Variants in RABGAP1L observed in about 807,000 individuals in gnomAD.
The protein encoded by RABGAP1L is RAB GTPase activating protein 1 like, also known as rab GTPase-activating protein 1-like.
Under a neutral mutation model 137.7 loss-of-function variants are expected in RABGAP1L, and 63 were observed. The ratio of observed to expected loss-of-function variants is 0.46; its 90% CI spans 0.37 to 0.56. RABGAP1L has a LOEUF of 0.56. RABGAP1L is among the 20% of genes least tolerant of loss of function. The pLI, the probability that RABGAP1L is intolerant of heterozygous loss-of-function variation, is 0.00. For missense variants in RABGAP1L, 1,095 were observed against 1,244.0 expected, an observed-to-expected ratio of 0.88 and a Z score of 1.80; for synonymous variants, 431 against 433.7, an observed-to-expected ratio of 0.99 and a Z score of 0.08.
At chr1:174,336,660 T>C (rs1681495448) in intron 11 of RABGAP1L, among the ~76,000 whole-genome samples, 1 of 152,196 alleles carries the variant, frequency 6.6e-6, no homozygotes, top group African/African-American at 2.4e-5. Flanking sequence ...ATACCACTGC[T>C]CCTGGTTACA....
chr1:174,550,981 TACATATATATATATAC>T (rs1432751619), intron 13 of RABGAP1L, among the ~76,000 whole-genome samples: 5 of 89,462 alleles, frequency 5.6e-5, no homozygotes, highest in South Asian at 3.4e-4. Flanking sequence ...CATGTATATA[TACATATATATATATAC>T]ACATATATAT....
intron 19 of RABGAP1L, among the ~76,000 whole-genome samples, chr1:174,869,715 C>T (rs756469717): frequency 9.9e-5 from 15 of 152,116 alleles, no homozygotes; most frequent in South Asian, 2.1e-4. Context: ...CCAAATGTGA[C>T]GATATTAAGA....
chr1:174,395,625 T>G (rs1216653082), intron 13 of RABGAP1L, among the ~76,000 whole-genome samples: 1 of 152,166 alleles, frequency 6.6e-6, no homozygotes, highest in African/African-American at 2.4e-5. Context: ...CTTATACAAG[T>G]AGTTGCAGAG....
At chr1:174,175,360 T>G (rs565881730) in intron 1 of RABGAP1L, among the ~76,000 whole-genome samples, 14 of 152,182 alleles carry the variant, frequency 9.2e-5, no homozygotes, top group Non-Finnish European at 1.8e-4. Flanking sequence ...AAGCCTTTCT[T>G]GAGACTGTGG....
chr1:174,292,362 C>CTTTTTTTTTTTTT (rs1676715946), intron 10 of RABGAP1L, among the ~76,000 whole-genome samples: 1 of 37,428 alleles, frequency 2.7e-5, no homozygotes, highest in African/African-American at 1.2e-4. Context: ...TTTTTTACTG[C>CTTTTTTTTTTTTT]TTTTTTCCTA....
At chr1:174,858,561 G>A (rs1031981927) in intron 19 of RABGAP1L, among the ~76,000 whole-genome samples, 14 of 152,224 alleles carry the variant, frequency 9.2e-5, no homozygotes, top group East Asian at 3.9e-4. Context: ...AAACTCTTCC[G>A]TATGTGACTG....
intron 18 of RABGAP1L, among the ~76,000 whole-genome samples, chr1:174,784,817 A>T (rs1015923974): frequency 6.6e-6 from 1 of 152,184 alleles, no homozygotes; most frequent in Non-Finnish European, 1.5e-5. Flanking sequence ...AAGCCCTTGC[A>T]TGGTTGAGGA....
At chr1:174,580,375 G>C (rs1002065013) in intron 13 of RABGAP1L, among the ~76,000 whole-genome samples, 1 of 152,124 alleles carries the variant, frequency 6.6e-6, no homozygotes, top group Non-Finnish European at 1.5e-5. Context: ...AGACTTGGAA[G>C]CAACCCAGAT....
chr1:174,900,284 T>A (rs1318495706), intron 19 of RABGAP1L, among the ~76,000 whole-genome samples: 1 of 152,212 alleles, frequency 6.6e-6, no homozygotes, highest in Non-Finnish European at 1.5e-5. Flanking sequence ...GGAGCGGGCC[T>A]GATCATAAGA....
chr1:174,192,454 C>G (rs1239075245), intron 1 of RABGAP1L, among the ~76,000 whole-genome samples: 2 of 151,740 alleles, frequency 1.3e-5, no homozygotes, highest in Admixed American at 1.3e-4. Context: ...TCCCAAGTAG[C>G]TGGGATTATA....
chr1:174,241,480 C>A lies in RABGAP1L; in HGVS notation c.543-3C>A, dbSNP rs998855883. 5.9e-6 allele frequency: 9 copies of A among 1,524,166 alleles called. No individual in the cohort carries two copies. Among genetic ancestry groups the A allele is most frequent in the Non-Finnish European group, 7.1e-6 (8 of 1,132,206 alleles). The allele number at this position is 1,524,166 out of a possible 1,614,324, so 94.4% of individuals were successfully genotyped here. A position where few individuals can be genotyped will look rare whatever the true frequency, so the allele number is the denominator to read the frequency against. The stretch of plus-strand genomic sequence containing the variant: ...TATCTAACTTTTCATTACTGTTCTA[C>A]AGAATTATAGACCAATCCAGCAATG... On this transcript the variant is annotated splice_polypyrimidine_tract_variant and splice_region_variant and intron_variant, in intron 4 of 25. Transcript: ENST00000681986.
chr1:174,892,582 T>C, intron 19 of RABGAP1L: 1 of 532,270 alleles, frequency 1.9e-6, no homozygotes, highest in Non-Finnish European at 3.8e-6. Flanking sequence ...GGGTGGTATT[T>C]ACATGCCATT....
At chr1:174,829,431 T>G (rs766745366) in intron 19 of RABGAP1L, among the ~76,000 whole-genome samples, 1 of 148,382 alleles carries the variant, frequency 6.7e-6, no homozygotes, top group Non-Finnish European at 1.5e-5. Flanking sequence ...TTGTGAATTT[T>G]CCACCATTCC....
chr1:174,777,402 C>A (rs1618408), intron 18 of RABGAP1L, among the ~76,000 whole-genome samples: 26 of 152,034 alleles, frequency 1.7e-4, no homozygotes, highest in African/African-American at 4.8e-4. Flanking sequence ...TCAACAGTAC[C>A]CCTCATCTCT....
intron 13 of RABGAP1L, among the ~76,000 whole-genome samples, chr1:174,576,443 C>T (rs932247492): frequency 6.6e-6 from 1 of 152,162 alleles, no homozygotes; most frequent in African/African-American, 2.4e-5. Flanking sequence ...GATGTGAAAC[C>T]TCCCTGACTG....
chr1:174,715,947 T>G (rs573303993), intron 17 of RABGAP1L, among the ~76,000 whole-genome samples: 1 of 152,298 alleles, frequency 6.6e-6, no homozygotes, highest in Admixed American at 6.5e-5. Flanking sequence ...AAAGTTCCCC[T>G]CATCCCCCAC....
chr1:174,732,537 A>G (rs1371142303), intron 17 of RABGAP1L, among the ~76,000 whole-genome samples: 1 of 152,242 alleles, frequency 6.6e-6, no homozygotes, highest in Non-Finnish European at 1.5e-5. Flanking sequence ...GCATGAGAAC[A>G]CATCAAAGGA....
At chr1:174,914,500 G>A (rs965984838) in intron 19 of RABGAP1L, among the ~76,000 whole-genome samples, 1 of 152,184 alleles carries the variant, frequency 6.6e-6, no homozygotes, top group Non-Finnish European at 1.5e-5. Flanking sequence ...GGATACTGAA[G>A]TACAACTTTA....
chr1:174,962,001 A>G lies in RABGAP1L; in HGVS notation c.2433+4452A>G, dbSNP rs1252921026. 2.0e-5 allele frequency among the ~76,000 whole-genome samples: 3 copies of G among 151,288 alleles called. No homozygotes were observed. The East Asian group carries it at 5.8e-4, about 29-fold the overall frequency. The stretch of plus-strand genomic sequence containing the variant: ...TGAAACCCCATCTCTACTAAAAAAT[A>G]AATAAATAAAAATATAAAAAAAAAT... On this transcript the variant is annotated intron_variant, in intron 20 of 25. Transcript: ENST00000681986.
Sources: gnomAD v4.1 joint callset for allele counts (sites outside exome capture counted in the v4.1 genomes callset) on GRCh38, gnomAD v4.1.1 for gene constraint, MANE v1.5 for transcripts, NCBI Gene and HGNC (gene_info 2026-07-23, HGNC 2026-07-21) for gene names.